The following ADGRG2 variants were observed in gnomAD, a reference collection of about 807,000 sequenced individuals.
The protein encoded by ADGRG2 is G protein-coupled receptor 64.
Under a neutral mutation model 74.1 loss-of-function variants are expected in ADGRG2, and 26 were observed. That is an observed-to-expected ratio of 0.35 (90% CI 0.26 to 0.49). The LOEUF (loss-of-function observed/expected upper bound fraction) is 0.49. Ranked by LOEUF, ADGRG2 falls within the 20% of genes least tolerant of loss-of-function variation. The probability of loss-of-function intolerance (pLI) is 0.99; values close to 1 mark genes in which losing one functional copy is unlikely to be tolerated. For missense variants in ADGRG2, 619 were observed against 763.1 expected, an observed-to-expected ratio of 0.81 and a Z score of 2.22; for synonymous variants, 296 against 295.2, an observed-to-expected ratio of 1.00 and a Z score of -0.03.
At chrX:19,007,480 A>C (rs767012963) in intron 19 of ADGRG2, 123 bp from the exon 20 acceptor site, 30 of 636,666 alleles carry the variant, frequency 4.7e-5, no homozygotes, top group Non-Finnish European at 7.0e-5. Context: ...TCGAGGGACA[A>C]GGAGGAAAGT....
chrX:19,105,618 T>TA (rs1026951924), intron 1 of ADGRG2, among the ~76,000 whole-genome samples: 1 of 110,698 alleles, frequency 9.0e-6, no homozygotes, highest in Non-Finnish European at 1.9e-5. Flanking sequence ...CTAGAAGAAA[T>TA]ACCTAATGTA....
intron 1 of ADGRG2, among the ~76,000 whole-genome samples, chrX:19,107,637 GT>G (rs74586432): frequency 1.7e-3 from 81 of 47,984 alleles, no homozygotes; most frequent in South Asian, 4.5e-3. Flanking sequence ...TTTGTTTTTT[GT>G]TTTTTTTTTT....
chrX:19,058,632 A>C (rs1045245033), intron 3 of ADGRG2, among the ~76,000 whole-genome samples: 2 of 112,454 alleles, frequency 1.8e-5, no homozygotes, highest in African/African-American at 6.5e-5. Flanking sequence ...ACATTAGAGT[A>C]ACTTTTACTT....
At chrX:19,098,900 T>C (rs1303751657) in intron 1 of ADGRG2, among the ~76,000 whole-genome samples, 4 of 112,432 alleles carry the variant, frequency 3.6e-5, no homozygotes, top group Non-Finnish European at 7.5e-5. Flanking sequence ...GAAAATTAAG[T>C]GAGGCCAGGT....
At chrX:19,043,112 GA>G (rs2061104380) in intron 3 of ADGRG2, among the ~76,000 whole-genome samples, 2 of 111,809 alleles carry the variant, frequency 1.8e-5, no homozygotes, top group Middle Eastern at 4.2e-3. Flanking sequence ...TGAAGGGAGG[GA>G]ATCTAGTAAA....
At chrX:19,074,283 A>T (rs2061698612) in intron 2 of ADGRG2, among the ~76,000 whole-genome samples, 1 of 76,920 alleles carries the variant, frequency 1.3e-5, no homozygotes, top group South Asian at 6.0e-4. Context: ...TCTGTCACCC[A>T]GGCTGGAGTG....
chrX:19,117,688 G>T (rs920334270), intron 1 of ADGRG2, among the ~76,000 whole-genome samples: 2 of 110,500 alleles, frequency 1.8e-5, no homozygotes, highest in African/African-American at 6.6e-5. Flanking sequence ...GTGGTGGTGC[G>T]CCGCCATAGT....
At chrX:19,035,825 C>T in intron 7 of ADGRG2, 117 bp downstream of exon 7, 2 of 407,680 alleles carry the variant, frequency 4.9e-6, no homozygotes, top group South Asian at 1.1e-4. Flanking sequence ...GTTGAAGGCA[C>T]AGGAAAAAGG....
chrX:19,049,247 C>T (rs187437580), intron 3 of ADGRG2, among the ~76,000 whole-genome samples: 45 of 111,748 alleles, frequency 4.0e-4, no homozygotes, highest in African/African-American at 1.4e-3. Flanking sequence ...AACTGCAACA[C>T]TTTCTGCCTC....
intron 2 of ADGRG2, among the ~76,000 whole-genome samples, chrX:19,076,907 G>A (rs906333641): frequency 3.6e-5 from 4 of 112,022 alleles, no homozygotes; most frequent in African/African-American, 1.3e-4. Flanking sequence ...ATATAAGTAA[G>A]GAGATGACAA....
At chrX:19,015,175 G>A (rs972404913) in intron 15 of ADGRG2, among the ~76,000 whole-genome samples, 5 of 111,846 alleles carry the variant, frequency 4.5e-5, no homozygotes, top group Non-Finnish European at 9.4e-5. Context: ...TTTACTCAAG[G>A]AAGCCTCTGA....
intron 1 of ADGRG2, among the ~76,000 whole-genome samples, chrX:19,097,910 T>C (rs1207568066): frequency 1.8e-5 from 2 of 112,746 alleles, no homozygotes; most frequent in Non-Finnish European, 3.7e-5. Flanking sequence ...AAAACGCAAA[T>C]GGATCAATCT....
chrX:19,024,897 C>T (rs143388341), intron 11 of ADGRG2, among the ~76,000 whole-genome samples: 2,261 of 112,377 alleles, frequency 0.02, 59 homozygotes, highest in African/African-American at 0.069. Context: ...ATCCTCCTGC[C>T]TCAGCCTCCT....
At chrX:19,094,538 G>A (rs1170946946) in intron 1 of ADGRG2, among the ~76,000 whole-genome samples, 6 of 111,313 alleles carry the variant, frequency 5.4e-5, no homozygotes, top group African/African-American at 1.6e-4. Flanking sequence ...CCAAGGAAGG[G>A]CTTTGCCTAC....
At chrX:19,080,287 C>G (rs946945809) in intron 2 of ADGRG2, among the ~76,000 whole-genome samples, 2 of 111,400 alleles carry the variant, frequency 1.8e-5, no homozygotes, top group African/African-American at 6.5e-5. Context: ...CTACCATACT[C>G]TTGATTAGCC....
At chrX:19,088,844 T>A (rs1014559992) in intron 1 of ADGRG2, among the ~76,000 whole-genome samples, 10 of 112,334 alleles carry the variant, frequency 8.9e-5, no homozygotes, top group Admixed American at 1.9e-4. Context: ...ATTGTTCATG[T>A]AGGATGGGTC....
chrX:19,004,674 C>T (rs950393651), intron 23 of ADGRG2, 84 bp downstream of exon 23: 53 of 973,324 alleles, frequency 5.4e-5, no homozygotes, highest in African/African-American at 1.7e-4. Context: ...TAAGGCAGGC[C>T]GAGGAAAGGG....
intron 15 of ADGRG2, among the ~76,000 whole-genome samples, chrX:19,017,473 A>G (rs1344760025): frequency 9.0e-6 from 1 of 111,633 alleles, no homozygotes; most frequent in Non-Finnish European, 1.9e-5. Context: ...AGGGGCAGCC[A>G]CTAGGGGTCA....
At position 19,075,662 on chromosome X, in the gene ADGRG2, G is replaced by A. The variant is rs757508147; in HGVS notation, c.-1-6827C>T. On this transcript the variant is annotated intron_variant, in intron 2 of 28. Coordinates refer to ENST00000379869, the MANE Select transcript of ADGRG2 (RefSeq NM_001079858.3). The stretch of plus-strand genomic sequence containing the variant: ...AAAGAAAGAAAGAAAGAAAAAGGCT[G>A]TTAAGAAGCTGCTGTTAGACTGACA... 7.5e-5 allele frequency among the ~76,000 whole-genome samples: 8 copies of A among 107,158 alleles called. No homozygotes were observed. In the East Asian group the frequency reaches 1.8e-3, roughly 23 times the overall value. The allele number at this position is 107,158 out of a possible 115,157, so 93.1% of individuals were successfully genotyped here. A position where few individuals can be genotyped will look rare whatever the true frequency, so the allele number is the denominator to read the frequency against.
Sources: gnomAD v4.1 joint callset for allele counts (sites outside exome capture counted in the v4.1 genomes callset) on GRCh38, gnomAD v4.1.1 for gene constraint, MANE v1.5 for transcripts, NCBI Gene and HGNC (gene_info 2026-07-23, HGNC 2026-07-21) for gene names.